The following AP1B1 variants were observed in gnomAD, a reference collection of about 807,000 sequenced individuals.
The protein encoded by AP1B1 is AP-1 complex subunit beta-1.
In AP1B1, 36 loss-of-function variants were observed where a neutral mutation model predicts 104.3. The observed-to-expected ratio is 0.35, with a 90% confidence interval of 0.26 to 0.46. AP1B1 has a LOEUF of 0.46. Ranked by LOEUF, AP1B1 falls within the 20% of genes least tolerant of loss-of-function variation. The probability of loss-of-function intolerance (pLI) is 1.00; values close to 1 mark genes in which losing one functional copy is unlikely to be tolerated. For missense variants in AP1B1, 901 were observed against 1,247.9 expected, an observed-to-expected ratio of 0.72 and a Z score of 4.19; for synonymous variants, 504 against 517.5, an observed-to-expected ratio of 0.97 and a Z score of 0.35.
At chr22:29,329,603 G>A in intron 22 of AP1B1, 109 bp downstream of exon 22, 1 of 1,564,764 alleles carries the variant, frequency 6.4e-7, no homozygotes, top group Non-Finnish European at 8.7e-7. Context: ...CCCCGGGTGA[G>A]GTGAGGCCAA....
chr22:29,381,589 A>G (rs2062437485), intron 1 of AP1B1, among the ~76,000 whole-genome samples: 1 of 152,240 alleles, frequency 6.6e-6, no homozygotes. Context: ...TATTCTAACT[A>G]TACTGAAATT....
intron 1 of AP1B1, among the ~76,000 whole-genome samples, chr22:29,368,620 A>T (rs1245617921): frequency 6.6e-6 from 1 of 152,224 alleles, no homozygotes; most frequent in Non-Finnish European, 1.5e-5. Flanking sequence ...GCCCAAGGTC[A>T]AATGGCTTGT....
intron 7 of AP1B1, among the ~76,000 whole-genome samples, chr22:29,353,097 G>A (rs2061902394): frequency 6.6e-6 from 1 of 152,178 alleles, no homozygotes; most frequent in South Asian, 2.1e-4. Context: ...CATGGCTAAT[G>A]TCAGTAAAGA....
intron 9 of AP1B1, 28 bp from the exon 10 acceptor site, chr22:29,350,178 A>G (rs1403000232): frequency 6.3e-7 from 1 of 1,583,824 alleles, no homozygotes; most frequent in Admixed American, 1.7e-5. Context: ...AGTGTGGGCG[A>G]GGTCCCCGCA....
At chr22:29,338,852 G>A (rs1388695334) in intron 16 of AP1B1, 138 bp downstream of exon 16, 34 of 1,251,036 alleles carry the variant, frequency 2.7e-5, no homozygotes, top group Non-Finnish European at 3.4e-5. Flanking sequence ...CCTCTTCCTC[G>A]GTGCCCCTGT....
At chr22:29,379,789 G>A (rs938579591) in intron 1 of AP1B1, among the ~76,000 whole-genome samples, 6 of 152,182 alleles carry the variant, frequency 3.9e-5, no homozygotes, top group Non-Finnish European at 2.9e-5. Flanking sequence ...GATGCACCAC[G>A]AAATTGCCAA....
chr22:29,355,857 CAAA>C (rs35014386), intron 6 of AP1B1, among the ~76,000 whole-genome samples: 3 of 57,862 alleles, frequency 5.2e-5, no homozygotes, highest in Admixed American at 1.9e-4. Context: ...GAGACCCTGC[CAAA>C]AAAAAAAAAA....
chr22:29,349,899 A>T, intron 10 of AP1B1, 136 bp downstream of exon 10: 1 of 740,678 alleles, frequency 1.4e-6, no homozygotes, highest in Non-Finnish European at 2.3e-6. Context: ...CGAAATAAAA[A>T]ACAAAGGGTT....
intron 10 of AP1B1, among the ~76,000 whole-genome samples, chr22:29,349,596 C>T (rs2061843152): frequency 6.6e-6 from 1 of 152,046 alleles, no homozygotes; most frequent in African/African-American, 2.4e-5. Context: ...TCACTGCAAC[C>T]TCCACCTCCC....
intron 1 of AP1B1, among the ~76,000 whole-genome samples, chr22:29,382,730 C>T (rs5763184): frequency 2.6e-5 from 4 of 151,916 alleles, no homozygotes; most frequent in African/African-American, 9.7e-5. Context: ...CAAAAGAGAT[C>T]GCCAGTGCAA....
At chr22:29,375,556 A>T (rs148979336) in intron 1 of AP1B1, among the ~76,000 whole-genome samples, 367 of 152,194 alleles carry the variant, frequency 2.4e-3, no homozygotes, top group African/African-American at 8.3e-3. Flanking sequence ...CCCAAAACAG[A>T]TTAAGATGAG....
At chr22:29,333,791 C>T (rs115451755) in intron 17 of AP1B1, among the ~76,000 whole-genome samples, 8 of 152,204 alleles carry the variant, frequency 5.3e-5, no homozygotes, top group East Asian at 3.9e-4. Flanking sequence ...TGGCTGAGCA[C>T]GGTCACTCAC....
At chr22:29,351,610 T>G in intron 8 of AP1B1, 95 bp downstream of exon 8, 8 of 1,504,302 alleles carry the variant, frequency 5.3e-6, no homozygotes, top group Non-Finnish European at 4.5e-6. Flanking sequence ...AAACCGTTAA[T>G]GGTGAGACTG....
At chr22:29,335,297 T>C (rs2061622464) in intron 16 of AP1B1, among the ~76,000 whole-genome samples, 1 of 151,902 alleles carries the variant, frequency 6.6e-6, no homozygotes, top group Non-Finnish European at 1.5e-5. Flanking sequence ...CCCCTTGAGG[T>C]GAAAAGGCTC....
At chr22:29,374,652 G>A (rs775277329) in intron 1 of AP1B1, among the ~76,000 whole-genome samples, 5 of 152,210 alleles carry the variant, frequency 3.3e-5, no homozygotes, top group Non-Finnish European at 5.9e-5. Flanking sequence ...TAGGTAAATA[G>A]GCGCCCTCAT....
At chr22:29,355,367 G>C (rs2061940574) in intron 6 of AP1B1, among the ~76,000 whole-genome samples, 1 of 151,944 alleles carries the variant, frequency 6.6e-6, no homozygotes, top group South Asian at 2.1e-4. Context: ...GGCTGACGCA[G>C]GAGGACTGCT....
chr22:29,339,712 G>C (rs1443396759), intron 15 of AP1B1, 42 bp downstream of exon 15: 4 of 1,605,740 alleles, frequency 2.5e-6, no homozygotes, highest in Non-Finnish European at 3.4e-6. Context: ...CTTTCGGGAG[G>C]AGCAAGGACG....
At chr22:29,333,481 G>C (rs1318560290) in intron 17 of AP1B1, among the ~76,000 whole-genome samples, 1 of 152,218 alleles carries the variant, frequency 6.6e-6, no homozygotes, top group East Asian at 1.9e-4. Flanking sequence ...TATGTGGGGT[G>C]TTTGCCAGAG....
intron 2 of AP1B1, among the ~76,000 whole-genome samples, chr22:29,363,940 A>C (rs1383776941): frequency 6.6e-6 from 1 of 152,144 alleles, no homozygotes; most frequent in Non-Finnish European, 1.5e-5. Context: ...AGCAACAGGA[A>C]CCATGGAAGC....
Sources: gnomAD v4.1 joint callset for allele counts (sites outside exome capture counted in the v4.1 genomes callset) on GRCh38, gnomAD v4.1.1 for gene constraint, MANE v1.5 for transcripts, NCBI Gene and HGNC (gene_info 2026-07-23, HGNC 2026-07-21) for gene names.